Variants in SAMD10 observed in about 807,000 individuals in gnomAD.
SAMD10 encodes sterile alpha motif domain containing 10.
Under a neutral mutation model 22.5 loss-of-function variants are expected in SAMD10, and 16 were observed. The ratio of observed to expected loss-of-function variants is 0.71; its 90% CI spans 0.48 to 1.08. The LOEUF (loss-of-function observed/expected upper bound fraction) is 1.08. SAMD10 is among the 50% of genes least tolerant of loss of function. The pLI is 0.00. For synonymous variants in SAMD10, 118 were observed against 122.2 expected, an observed-to-expected ratio of 0.97 and a Z score of 0.23; for missense variants, 227 against 281.3, an observed-to-expected ratio of 0.81 and a Z score of 1.38.
chr20:63,977,980 G>A lies in SAMD10; in HGVS notation c.92-574C>T, dbSNP rs1448431329. Among the ~76,000 whole-genome samples, 2 of 152,238 alleles carry A rather than the reference G, an allele frequency of 1.3e-5. No homozygotes were observed. Among genetic ancestry groups the A allele is most frequent in the Admixed American group, 6.5e-5 (1 of 15,290 alleles). ...CTATGACTCATTGACAGCCTGAACT[G>A]TGGGCCAACTGACAAGCAGGGCTCA... On this transcript the variant is annotated intron_variant, in intron 1 of 4. Transcript: ENST00000369886. The surrounding 1 kb of genome is among the most constrained non-coding windows in gnomAD (Gnocchi z 5.4).
Position 63,975,756 on chromosome 20 carries a change from C to T in SAMD10, c.522G>A (p.Val174=), listed in dbSNP as rs747302932. ...CCTGCAGGCGGAGCACCTGCTGCAG[C>T]ACCTCCTGCCTCTGGGCCTCCTGGG... ...GLAQEAQRQE[V]LQQVLRLQVR... Residue 174 remains valine (V), a synonymous_variant, in exon 4 of 5, where the codon GTG becomes GTA. Transcript: ENST00000369886. The T allele has an allele frequency of 6.2e-6, 10 of 1,604,476 alleles. No individual in the cohort carries two copies. Among genetic ancestry groups the T allele is most frequent in the South Asian group, 3.3e-5 (3 of 90,894 alleles).
At chr20:63,978,182 C>T (rs528077272) in intron 1 of SAMD10, 1 of 597,128 alleles carries the variant, frequency 1.7e-6, no homozygotes, top group Non-Finnish European at 2.8e-6. Flanking sequence ...TCCCTCTTCC[C>T]ACAGTAACTG....
chr20:63,977,431 G>A lies in SAMD10; in HGVS notation c.92-25C>T. ...GCTGTGTGTGGGGGTGCCTGGTCAG[G>A]GCAGTCAAGGGCAGAACCAGAGGCT... is the stretch of plus-strand genomic sequence containing the variant. On this transcript the variant is annotated intron_variant, in intron 1 of 4. Transcript: ENST00000369886. This position sits in a 1 kb window ranked among gnomAD's most constrained non-coding sequence, Gnocchi z 5.4. 6.2e-7 allele frequency: 1 copy of A among 1,607,960 alleles called. No individual in the cohort carries two copies. The highest frequency in any genetic ancestry group is 8.5e-7 in the Non-Finnish European group (1 of 1,176,588).
Position 63,977,852 on chromosome 20 carries a change from T to A in SAMD10, c.92-446A>T, listed in dbSNP as rs1251877844. 1.3e-5 allele frequency among the ~76,000 whole-genome samples: 2 copies of A among 151,398 alleles called. No individual in the cohort carries two copies. The highest frequency in any genetic ancestry group is 2.9e-5 in the Non-Finnish European group (2 of 67,868). ...AAGGCAGATCCCGAGTCCGGGGAGG[T>A]CGTCTGTGCTGGGGAAACCGGGCTG... is the stretch of plus-strand genomic sequence containing the variant. On this transcript the variant is annotated intron_variant, in intron 1 of 4. Coordinates refer to ENST00000369886, the MANE Select transcript of SAMD10 (RefSeq NM_080621.5). This position sits in a 1 kb window ranked among gnomAD's most constrained non-coding sequence, Gnocchi z 5.4.
chr20:63,975,922 C>T, intron 3 of SAMD10, 90 bp from the exon 4 acceptor site: 1 of 1,393,694 alleles, frequency 7.2e-7, no homozygotes, highest in South Asian at 1.5e-5. Flanking sequence ...CCTGTGATCC[C>T]AGCACTTTGG....
At chr20:63,978,150 G>A in intron 1 of SAMD10, 1 of 451,164 alleles carries the variant, frequency 2.2e-6, no homozygotes, top group South Asian at 1.8e-5. Flanking sequence ...ATTGCTTGGG[G>A]ACCCACGGTG....
At position 63,975,343 on chromosome 20, in the gene SAMD10, C is replaced by T; in HGVS notation, c.*167G>A. The T allele has an allele frequency of 1.3e-6, 1 of 759,076 alleles. No homozygotes were observed. The highest frequency in any genetic ancestry group is 2.1e-6 in the Non-Finnish European group (1 of 472,818). The allele number at this position is 759,076 out of a possible 1,614,324, so 47.0% of individuals were successfully genotyped here. On this transcript the variant is annotated 3_prime_UTR_variant, in exon 5 of 5. Coordinates refer to ENST00000369886, the MANE Select transcript of SAMD10 (RefSeq NM_080621.5). ...CCAGGGCACGACCTGGAATGTCCAA[C>T]CAGAGGCGCCTGGAGGTGTGATCCT...
chr20:63,978,386 C>T, intron 1 of SAMD10: 1 of 1,068,716 alleles, frequency 9.4e-7, no homozygotes, highest in Non-Finnish European at 1.3e-6. Flanking sequence ...AAGGTGGGCA[C>T]AGGCCTGCCC....
upstream of SAMD10, chr20:63,979,649 C>A (rs1004227026): frequency 2.4e-5 from 24 of 985,010 alleles, no homozygotes; most frequent in Non-Finnish European, 2.9e-5. This position sits in a 1 kb window ranked among gnomAD's most constrained non-coding sequence, Gnocchi z 7.7. Flanking sequence ...GTGTGCCGGG[C>A]GCGCTCCGGG....
chr20:63,976,644 C>G (rs1242808043), intron 3 of SAMD10, among the ~76,000 whole-genome samples: 2 of 151,554 alleles, frequency 1.3e-5, no homozygotes, highest in African/African-American at 4.8e-5. Context: ...TGCCTGTAAT[C>G]CCAGGTACTC....
At chr20:63,976,172 C>T (rs994008780) in intron 3 of SAMD10, among the ~76,000 whole-genome samples, 1 of 140,902 alleles carries the variant, frequency 7.1e-6, no homozygotes, top group African/African-American at 3.0e-5. Flanking sequence ...GACTCCTTCT[C>T]AGAAACAAAC....
chr20:63,978,789 A>G (rs777212508), intron 1 of SAMD10, among the ~76,000 whole-genome samples: 4 of 152,212 alleles, frequency 2.6e-5, no homozygotes, highest in Admixed American at 6.5e-5. Flanking sequence ...CTTCCAGCGG[A>G]CAGGCGCCGT....
In SAMD10 at chr20:63,977,244, G is replaced by A. The variant is rs774294771; in HGVS notation, c.254C>T (p.Pro85Leu). ...SSRPIKLLQQPGTDTPQGRLY... is the reference protein window; with the variant it reads ...SSRPIKLLQQLGTDTPQGRLY... ...GGGTACCTGGGGGGTGTCTGTGCCG[G>A]GCTGCTGCAGGAGCTTGATTGGCCT... is the stretch of plus-strand genomic sequence containing the variant. Residue 85 changes from proline (P) to leucine (L), a missense_variant, in exon 2 of 5, where the codon CCC becomes CTC. Transcript: ENST00000369886. The surrounding 1 kb of genome is among the most constrained non-coding windows in gnomAD (Gnocchi z 5.4). The A allele has an allele frequency of 2.5e-6, 4 of 1,613,450 alleles. No homozygotes were observed. The highest frequency in any genetic ancestry group is 3.4e-6 in the Non-Finnish European group (4 of 1,179,970).
At position 63,975,416 on chromosome 20, in the gene SAMD10, G is replaced by C. The variant is rs925153490; in HGVS notation, c.*94C>G. On this transcript the variant is annotated 3_prime_UTR_variant, in exon 5 of 5. Transcript: ENST00000369886. ...AGCCTGGCCGCCCCGGCATCCCGCA[G>C]GGTCCAAGAGGCGCTGCGGGGCCAG... 9.3e-6 allele frequency: 14 copies of C among 1,513,350 alleles called. No homozygotes were observed. In the African/African-American group the frequency reaches 9.8e-5, roughly 11 times the overall value. The allele number at this position is 1,513,350 out of a possible 1,614,324, so 93.7% of individuals were successfully genotyped here.
chr20:63,978,832 G>A (rs1258437926), intron 1 of SAMD10, among the ~76,000 whole-genome samples: 1 of 152,200 alleles, frequency 6.6e-6, no homozygotes, highest in Non-Finnish European at 1.5e-5. Context: ...TCGAGCGGCG[G>A]GGCTGGTGCA....
upstream of SAMD10, chr20:63,980,068 C>T (rs1419704973): frequency 6.6e-6 from 1 of 152,670 alleles, no homozygotes; most frequent in African/African-American, 2.4e-5. Flanking sequence ...CGGTACAGTG[C>T]TCTGTAACTG....
chr20:63,975,417 G>A lies in SAMD10; in HGVS notation c.*93C>T, dbSNP rs957905798. The A allele has an allele frequency of 6.6e-7, 1 of 1,508,412 alleles. No individual in the cohort carries two copies. Among genetic ancestry groups the A allele is most frequent in the Non-Finnish European group, 9.1e-7 (1 of 1,097,282 alleles). 93.4% of individuals were successfully genotyped at this position (1,508,412 alleles called of 1,614,324 possible). A position where few individuals can be genotyped will look rare whatever the true frequency, so the allele number is the denominator to read the frequency against. ...GCCTGGCCGCCCCGGCATCCCGCAG[G>A]GTCCAAGAGGCGCTGCGGGGCCAGC... On this transcript the variant is annotated 3_prime_UTR_variant, in exon 5 of 5. Transcript: ENST00000369886.
chr20:63,979,898 C>T (rs1204664734), upstream of SAMD10: 2 of 156,106 alleles, frequency 1.3e-5, no homozygotes, highest in East Asian at 1.9e-4. The surrounding 1 kb of genome is among the most constrained non-coding windows in gnomAD (Gnocchi z 7.7). Context: ...ACACACTTTC[C>T]TCGGTCTCCT....
chr20:63,979,321 G>T lies in SAMD10; in HGVS notation c.91+56C>A. The stretch of plus-strand genomic sequence containing the variant: ...GGTCCCGCCCCGCCCCCGTGCCTCT[G>T]GGTCCCTGAGACCCCCGCCCGAGAA... On this transcript the variant is annotated intron_variant, in intron 1 of 4. Transcript: ENST00000369886. This position sits in a 1 kb window ranked among gnomAD's most constrained non-coding sequence, Gnocchi z 7.7. 2 of 1,152,052 alleles carry T rather than the reference G, an allele frequency of 1.7e-6. No homozygotes were observed. Among genetic ancestry groups the T allele is most frequent in the Non-Finnish European group, 2.3e-6 (2 of 866,852 alleles). The allele number at this position is 1,152,052 out of a possible 1,614,324, so 71.4% of individuals were successfully genotyped here.
Sources: gnomAD v4.1 joint callset for allele counts (sites outside exome capture counted in the v4.1 genomes callset) on GRCh38, gnomAD v4.1.1 for gene constraint, Gnocchi (gnomAD v3.1) non-coding constraint, MANE v1.5 for transcripts, NCBI Gene and HGNC (gene_info 2026-07-23, HGNC 2026-07-21) for gene names.